PTPA: variants seen among roughly 807,000 people sequenced by gnomAD.
PTPA encodes protein phosphatase 2 phosphatase activator.
PTPA carries 13 observed loss-of-function variants against 43.6 expected under a neutral mutation model. The ratio of observed to expected loss-of-function variants is 0.30; its 90% CI spans 0.19 to 0.47. PTPA has a LOEUF of 0.47. Ranked by LOEUF, PTPA falls within the 20% of genes least tolerant of loss-of-function variation. The pLI is 0.99. For missense variants in PTPA, 329 were observed against 411.9 expected (o/e 0.80, Z 1.74); for synonymous variants, 172 against 158.2 (o/e 1.09, Z -0.66).
chr9:129,142,808 G>C (rs552854013), intron 9 of PTPA: 1 of 1,535,228 alleles, frequency 6.5e-7, no homozygotes, highest in South Asian at 1.2e-5. Flanking sequence ...GGAGGCTGAG[G>C]CAAGGACCTG....
At chr9:129,142,354 G>GTGTA (rs1850933491) in intron 8 of PTPA, 91 bp from the exon 9 acceptor site, 2 of 1,155,778 alleles carry the variant, frequency 1.7e-6, no homozygotes, top group South Asian at 3.0e-5. Flanking sequence ...GTGTGTGTGT[G>GTGTA]TGCATGCATG....
intron 7 of PTPA, 78 bp downstream of exon 7, chr9:129,136,673 C>T: frequency 6.9e-7 from 1 of 1,454,756 alleles, no homozygotes; most frequent in East Asian, 2.5e-5. Context: ...CCCTCCTGCG[C>T]TCCCTCCTTC....
chr9:129,142,497 C>A lies in PTPA; in HGVS notation c.839C>A (p.Ala280Asp). Residue 280 changes from alanine to aspartate, a missense_variant, in exon 9 of 10, where the codon GCC becomes GAC. Coordinates refer to ENST00000393370, the MANE Select transcript of PTPA (RefSeq NM_178000.3). ...EHSNQLWNIS[A>D]VPSWSKVNQG... Reference sequence around the variant, plus strand: ...TCCAACCAGCTGTGGAACATCAGCGCCGTCCCTTCCTGGTCCAAAGTGAAC... The same window carrying A: ...TCCAACCAGCTGTGGAACATCAGCGACGTCCCTTCCTGGTCCAAAGTGAAC... The A allele has an allele frequency of 6.2e-7, 1 of 1,612,272 alleles. No individual in the cohort carries two copies. The highest frequency in any genetic ancestry group is 1.1e-5 in the South Asian group (1 of 90,972).
upstream of PTPA, chr9:129,111,116 G>C: frequency 7.5e-7 from 1 of 1,330,456 alleles, no homozygotes; most frequent in Non-Finnish European, 1.0e-6. Flanking sequence ...CATGTTGACC[G>C]GGGAATGTCC....
At chr9:129,132,082 AT>A (rs1410727716) in intron 5 of PTPA, among the ~76,000 whole-genome samples, 14 of 152,256 alleles carry the variant, frequency 9.2e-5, no homozygotes, top group African/African-American at 3.1e-4. Flanking sequence ...TCTTAGCCAC[AT>A]TCTCTGTGCT....
intron 6 of PTPA, among the ~76,000 whole-genome samples, chr9:129,136,031 G>T (rs1850343784): frequency 6.6e-6 from 1 of 151,744 alleles, no homozygotes; most frequent in African/African-American, 2.4e-5. Flanking sequence ...GCAGTGGAGA[G>T]ATCTCGGCTC....
At chr9:129,111,918 G>A (rs1390799348) in intron 1 of PTPA, 2 of 648,910 alleles carry the variant, frequency 3.1e-6, no homozygotes, top group Non-Finnish European at 2.2e-6. Flanking sequence ...GTGGTCATAA[G>A]GGGGCCTTTT....
chr9:129,112,232 C>CTTCGGG (rs1243346838), intron 1 of PTPA, among the ~76,000 whole-genome samples: 1 of 152,190 alleles, frequency 6.6e-6, no homozygotes, highest in Non-Finnish European at 1.5e-5. Context: ...CCGGCATCTC[C>CTTCGGG]TTCGGTAACT....
chr9:129,142,958 A>G, intron 9 of PTPA: 1 of 1,401,364 alleles, frequency 7.1e-7, no homozygotes, highest in Non-Finnish European at 9.4e-7. Flanking sequence ...GCATCTCCAA[A>G]GTGCTGCCTT....
At chr9:129,113,505 A>G (rs1848678116) in intron 1 of PTPA, among the ~76,000 whole-genome samples, 1 of 151,012 alleles carries the variant, frequency 6.6e-6, no homozygotes, top group African/African-American at 2.4e-5. Context: ...ACAGTGGCTC[A>G]CACCTGTAAT....
intron 1 of PTPA, among the ~76,000 whole-genome samples, chr9:129,112,721 C>T (rs139912617): frequency 0.038 from 5,749 of 152,302 alleles, 356 homozygotes; most frequent in African/African-American, 0.13. Context: ...GCGGGCTGAT[C>T]ACCTGAGGTC....
chr9:129,141,644 G>A (rs6478867), intron 8 of PTPA: 1 of 152,072 alleles, frequency 6.6e-6, no homozygotes, highest in Non-Finnish European at 1.5e-5. Flanking sequence ...TTTCTCTTCC[G>A]TCCTGGAGGG....
In PTPA at chr9:129,143,288, C is replaced by A. The variant is rs572208064; in HGVS notation, c.894+736C>A. On this transcript the variant is annotated intron_variant, in intron 9 of 9. Transcript: ENST00000393370. ...CTTCCTGGGAAGACTAATTCTAGAA[C>A]TGCTTGACCTTGGCCAGGGAAGGGC... is the stretch of plus-strand genomic sequence containing the variant. The A allele has an allele frequency of 1.1e-3, 798 of 702,844 alleles. 11 individuals carry two copies. Among genetic ancestry groups the A allele is most frequent in the South Asian group, 0.01 (708 of 67,574 alleles). 43.5% of individuals were successfully genotyped at this position (702,844 alleles called of 1,614,324 possible). A position where few individuals can be genotyped will look rare whatever the true frequency, so the allele number is the denominator to read the frequency against.
chr9:129,122,687 C>T (rs186616112), intron 2 of PTPA, among the ~76,000 whole-genome samples: 3 of 152,164 alleles, frequency 2.0e-5, no homozygotes, highest in Non-Finnish European at 2.9e-5. Flanking sequence ...ATATCTTGGT[C>T]TTGGGAGACC....
intron 1 of PTPA, 80 bp from the exon 2 acceptor site, chr9:129,120,433 A>G (rs1447127580): frequency 1.7e-5 from 17 of 973,076 alleles, no homozygotes; most frequent in South Asian, 4.8e-5. Flanking sequence ...TCAAGAAAAA[A>G]AAAAAAGGTG....
intron 1 of PTPA, 45 bp downstream of exon 1, chr9:129,111,676 G>C: frequency 2.4e-6 from 3 of 1,270,300 alleles, no homozygotes; most frequent in Non-Finnish European, 3.0e-6. Context: ...GGTAGGGTGG[G>C]GGCGGTGCCA....
At chr9:129,136,644 T>C (rs1850389658) in intron 7 of PTPA, 49 bp downstream of exon 7, 3 of 1,552,292 alleles carry the variant, frequency 1.9e-6, no homozygotes, top group Non-Finnish European at 2.6e-6. Context: ...CAAGGCTGCG[T>C]TCTGTGGCCC....
intron 3 of PTPA, among the ~76,000 whole-genome samples, chr9:129,128,656 G>C (rs1323316816): frequency 6.6e-6 from 1 of 152,006 alleles, no homozygotes; most frequent in Non-Finnish European, 1.5e-5. Flanking sequence ...TGAACAAAAG[G>C]CTTCCATAAA....
chr9:129,111,227 A>C, upstream of PTPA: 2 of 1,137,912 alleles, frequency 1.8e-6, no homozygotes, highest in South Asian at 1.7e-5. Context: ...AGCACAACCC[A>C]AACTTGACGC....
Sources: gnomAD v4.1 joint callset for allele counts (sites outside exome capture counted in the v4.1 genomes callset) on GRCh38, gnomAD v4.1.1 for gene constraint, MANE v1.5 for transcripts, NCBI Gene and HGNC (gene_info 2026-07-23, HGNC 2026-07-21) for gene names.